FGF14: variants seen among roughly 807,000 people sequenced by gnomAD.
FGF14 encodes the protein fibroblast growth factor 14.
A neutral mutation model predicts 25.5 loss-of-function variants in FGF14; 5 were observed. The ratio of observed to expected loss-of-function variants is 0.20; its 90% CI spans 0.10 to 0.41. The LOEUF (loss-of-function observed/expected upper bound fraction) is 0.41. Ranked by LOEUF, FGF14 falls within the 10% of genes least tolerant of loss-of-function variation. The pLI is 1.00. For synonymous variants in FGF14, 138 were observed against 118.3 expected (o/e 1.17, Z -1.08); for missense variants, 222 against 320.1 (o/e 0.69, Z 2.34).
intron 1 of FGF14, among the ~76,000 whole-genome samples, chr13:101,991,310 A>C (rs1275034518): frequency 6.6e-6 from 1 of 152,134 alleles, no homozygotes; most frequent in South Asian, 2.1e-4. Flanking sequence ...TTCCATAAGG[A>C]AACAATCTGA....
chr13:102,084,991 G>A (rs1178208613), intron 1 of FGF14, among the ~76,000 whole-genome samples: 6 of 152,170 alleles, frequency 3.9e-5, no homozygotes, highest in African/African-American at 1.4e-4. Flanking sequence ...ACTCCCAGCA[G>A]TTATCATTTG....
intron 1 of FGF14, among the ~76,000 whole-genome samples, chr13:102,082,226 G>C (rs1477582922): frequency 1.3e-5 from 2 of 149,036 alleles, no homozygotes; most frequent in Non-Finnish European, 3.0e-5. Flanking sequence ...TCTCATAGAA[G>C]GGGCTTAAGG....
chr13:101,794,770 AAAC>A (rs746157708), intron 3 of FGF14, among the ~76,000 whole-genome samples: 1 of 152,138 alleles, frequency 6.6e-6, no homozygotes, highest in Non-Finnish European at 1.5e-5. Flanking sequence ...GGCAAATGCA[AAAC>A]AATAGCTCGT....
chr13:101,715,412 T>C lies in FGF14; in HGVS notation c.*7419A>G. Reference sequence around the variant, plus strand: ...GATTAGATGTCTCGCAGCTGCTTAATAAGATGTAATAATAACATCATTGCA... The same window carrying C: ...GATTAGATGTCTCGCAGCTGCTTAACAAGATGTAATAATAACATCATTGCA... On this transcript the variant is annotated 3_prime_UTR_variant, in exon 5 of 5. Transcript: ENST00000376143. 1.5e-6 allele frequency: 1 copy of C among 656,300 alleles called. No individual in the cohort carries two copies. Among genetic ancestry groups the C allele is most frequent in the Non-Finnish European group, 2.7e-6 (1 of 364,540 alleles). The allele number at this position is 656,300 out of a possible 1,614,324, so 40.7% of individuals were successfully genotyped here.
intron 1 of FGF14, among the ~76,000 whole-genome samples, chr13:101,889,171 G>A (rs1167305305): frequency 6.6e-6 from 1 of 152,104 alleles, no homozygotes; most frequent in Non-Finnish European, 1.5e-5. Context: ...TTCTGTTATT[G>A]AAGCCACCAA....
intron 1 of FGF14, among the ~76,000 whole-genome samples, chr13:102,358,443 G>C (rs1423061010): frequency 2.0e-5 from 3 of 152,168 alleles, no homozygotes; most frequent in Non-Finnish European, 4.4e-5. Context: ...TTGCTAGGAG[G>C]ACTGAAAACA....
rs2034874142 is a variant in FGF14, at chr13:101,720,053, A to G, written c.*2778T>C. On this transcript the variant is annotated 3_prime_UTR_variant, in exon 5 of 5. Transcript: ENST00000376143. ...ATAAAGTTGTTTGATGTTTTTTAAT[A>G]TGCCTTCATATAAATATTTTATTCA... 6.6e-6 allele frequency: 1 copy of G among 152,152 alleles called. No individual in the cohort carries two copies. The highest frequency in any genetic ancestry group is 6.6e-5 in the Admixed American group (1 of 15,262). 9.4% of individuals were successfully genotyped at this position (152,152 alleles called of 1,614,324 possible).
chr13:102,160,275 G>A (rs1460744890), intron 1 of FGF14, among the ~76,000 whole-genome samples: 1 of 152,108 alleles, frequency 6.6e-6, no homozygotes, highest in Non-Finnish European at 1.5e-5. Flanking sequence ...CCATCCAACT[G>A]TTTCTGGATG....
intron 1 of FGF14, among the ~76,000 whole-genome samples, chr13:102,292,172 T>G (rs781338567): frequency 2.6e-5 from 4 of 151,288 alleles, no homozygotes; most frequent in Non-Finnish European, 5.9e-5. Flanking sequence ...TAAACCAGCC[T>G]TCTAGTTCTC....
intron 1 of FGF14, among the ~76,000 whole-genome samples, chr13:101,965,606 G>T (rs1295839105): frequency 2.0e-5 from 3 of 151,162 alleles, no homozygotes; most frequent in African/African-American, 7.3e-5. Context: ...CTTAAGGAGA[G>T]AATAAAACGT....
chr13:101,773,822 T>C (rs909457251), intron 3 of FGF14, among the ~76,000 whole-genome samples: 1 of 149,036 alleles, frequency 6.7e-6, no homozygotes. Flanking sequence ...GTGAGTATTA[T>C]CTGGGTATCA....
At chr13:102,183,783 C>T (rs1043465926) in intron 1 of FGF14, among the ~76,000 whole-genome samples, 2 of 152,184 alleles carry the variant, frequency 1.3e-5, no homozygotes, top group Non-Finnish European at 2.9e-5. Flanking sequence ...GACCTAGATT[C>T]AAGCCCTCTC....
intron 1 of FGF14, among the ~76,000 whole-genome samples, chr13:102,047,572 C>A (rs527318615): frequency 4.7e-4 from 72 of 152,132 alleles, no homozygotes; most frequent in African/African-American, 1.5e-3. Context: ...AGCAAACTAT[C>A]GCAAGGACAA....
chr13:102,182,352 C>T (rs536992351), intron 1 of FGF14, among the ~76,000 whole-genome samples: 7 of 152,264 alleles, frequency 4.6e-5, no homozygotes, highest in African/African-American at 1.7e-4. Context: ...GGGCAGAGCC[C>T]TGCCGACGCC....
In FGF14 at chr13:102,161,570, A is replaced by AGAAGAAGAAG. The variant is rs1555369390; in HGVS notation, c.208+239900_208+239901insCTTCTTCTTC. 5.3e-4 allele frequency among the ~76,000 whole-genome samples: 3 copies of AGAAGAAGAAG among 5,652 alleles called. 1 individual carries two copies. Among genetic ancestry groups the AGAAGAAGAAG allele is most frequent in the Non-Finnish European group, 7.2e-4 (3 of 4,184 alleles). 3.7% of individuals were successfully genotyped at this position (5,652 alleles called of 152,430 possible). A position where few individuals can be genotyped will look rare whatever the true frequency, so the allele number is the denominator to read the frequency against. On this transcript the variant is annotated intron_variant, in intron 1 of 4. Transcript: ENST00000376131. Reference sequence around the variant, plus strand: ...TCTATGCAACCAACTTTCTGTGAAGAAAGAAAGAAGAAGAAGAAGAAGAAG... The same window carrying AGAAGAAGAAG: ...TCTATGCAACCAACTTTCTGTGAAGAGAAGAAGAAGAAGAAAGAAGAAGAAGAAGAAGAAG...
intron 3 of FGF14, among the ~76,000 whole-genome samples, chr13:101,750,401 T>A (rs1006551574): frequency 6.6e-6 from 1 of 152,142 alleles, no homozygotes; most frequent in African/African-American, 2.4e-5. Context: ...CAATAACCTT[T>A]AAGGATGAAA....
chr13:101,712,899 C>A lies in FGF14; in HGVS notation c.*9932G>T, dbSNP rs1261110263. 6.6e-6 allele frequency: 1 copy of A among 152,182 alleles called. No homozygotes were observed. Among genetic ancestry groups the A allele is most frequent in the Non-Finnish European group, 1.5e-5 (1 of 68,046 alleles). The allele number at this position is 152,182 out of a possible 1,614,324, so 9.4% of individuals were successfully genotyped here. The stretch of plus-strand genomic sequence containing the variant: ...CATCCTTTGCAGACTGACCTGGGAG[C>A]AGCAGCTCACTGGGTCCTGAGAAAC... On this transcript the variant is annotated 3_prime_UTR_variant, in exon 5 of 5. Coordinates refer to ENST00000376143, the MANE Select transcript of FGF14 (RefSeq NM_004115.4).
chr13:102,024,491 G>GT (rs1555341735), intron 1 of FGF14, among the ~76,000 whole-genome samples: 2,527 of 106,076 alleles, frequency 0.024, 82 homozygotes, highest in African/African-American at 0.15. Flanking sequence ...TGTGGTCTGT[G>GT]TTTTTACATT....
intron 1 of FGF14, among the ~76,000 whole-genome samples, chr13:102,338,600 T>C (rs984650825): frequency 3.3e-5 from 5 of 151,942 alleles, no homozygotes; most frequent in African/African-American, 1.2e-4. Context: ...GAGAATAAAA[T>C]AGGAAACAAA....
Sources: gnomAD v4.1 joint callset for allele counts (sites outside exome capture counted in the v4.1 genomes callset) on GRCh38, gnomAD v4.1.1 for gene constraint, MANE v1.5 for transcripts, NCBI Gene and HGNC (gene_info 2026-07-23, HGNC 2026-07-21) for gene names.